Variants in FBXO34 observed in about 807,000 individuals in gnomAD.
FBXO34 encodes the protein F-box protein 34, also known as F-box only protein 34.
A neutral mutation model predicts 24.5 loss-of-function variants in FBXO34; 12 were observed. The observed-to-expected ratio is 0.49, with a 90% CI of 0.31 to 0.79. The LOEUF (loss-of-function observed/expected upper bound fraction) is 0.79, where lower values mean the gene tolerates loss of function less well. Among genes scored for constraint, FBXO34 ranks in the 30% least tolerant of loss-of-function variants. The pLI, the probability that FBXO34 is intolerant of heterozygous loss-of-function variation, is 0.04. For missense variants in FBXO34, 823 were observed against 857.7 expected, an observed-to-expected ratio of 0.96 and a Z score of 0.51; for synonymous variants, 320 against 311.9, an observed-to-expected ratio of 1.03 and a Z score of -0.27.
chr14:55,296,635 A>T (rs1331324556), intron 1 of FBXO34, among the ~76,000 whole-genome samples: 1 of 151,808 alleles, frequency 6.6e-6, no homozygotes, highest in Admixed American at 6.6e-5. Flanking sequence ...TGACCTTGTG[A>T]TCCACCTGCC....
intron 1 of FBXO34, among the ~76,000 whole-genome samples, chr14:55,291,227 C>G (rs1881935353): frequency 6.7e-6 from 1 of 149,044 alleles, no homozygotes; most frequent in Non-Finnish European, 1.5e-5. Context: ...TCCTTGCTGA[C>G]ACAGTTTTTG....
chr14:55,436,651 G>C, the FBXO34 span: 1 of 1,614,208 alleles, frequency 6.2e-7, no homozygotes, highest in Non-Finnish European at 8.5e-7. Flanking sequence ...GTCGGAGTTT[G>C]GTTTCTCAGG....
intron 1 of FBXO34, among the ~76,000 whole-genome samples, chr14:55,322,653 C>A (rs1010402169): frequency 1.9e-4 from 29 of 152,048 alleles, no homozygotes; most frequent in African/African-American, 7.0e-4. Context: ...TGGAAATTAA[C>A]CTTTTGTGCA....
chr14:55,404,658 C>A, the FBXO34 span, among the ~76,000 whole-genome samples: 1 of 152,114 alleles, frequency 6.6e-6, no homozygotes, highest in African/African-American at 2.4e-5. Context: ...GCAGGGTGTA[C>A]AGGTGGGGGG....
At chr14:55,364,667 G>A (rs528461668), downstream of FBXO34, among the ~76,000 whole-genome samples, 1 of 151,382 alleles carries the variant, frequency 6.6e-6, no homozygotes, top group Non-Finnish European at 1.5e-5. Context: ...GACCTCAGGT[G>A]ATCCGCCTGT....
At chr14:55,314,876 C>G (rs1453400379) in intron 1 of FBXO34, among the ~76,000 whole-genome samples, 1 of 152,122 alleles carries the variant, frequency 6.6e-6, no homozygotes, top group African/African-American at 2.4e-5. Context: ...CCACTTCATC[C>G]CCCCACTTCT....
At chr14:55,440,598 G>C in the FBXO34 span, 1 of 1,515,454 alleles carries the variant, frequency 6.6e-7, no homozygotes, top group East Asian at 2.3e-5. Flanking sequence ...GGTTCCTGCA[G>C]AGGGCGCGAG....
At chr14:55,432,429 C>G in the FBXO34 span, among the ~76,000 whole-genome samples, 1 of 138,956 alleles carries the variant, frequency 7.2e-6, no homozygotes, top group Non-Finnish European at 1.5e-5. Context: ...AAAAAAACAA[C>G]AAATAAACAA....
chr14:55,403,215 G>A, the FBXO34 span, among the ~76,000 whole-genome samples: 1 of 151,940 alleles, frequency 6.6e-6, no homozygotes, highest in Admixed American at 6.6e-5. Flanking sequence ...TTAAAAAAAT[G>A]TGAAAGCAGT....
chr14:55,437,852 C>A, the FBXO34 span, among the ~76,000 whole-genome samples: 1 of 152,238 alleles, frequency 6.6e-6, no homozygotes, highest in South Asian at 2.1e-4. Flanking sequence ...AATAAGAATT[C>A]TTGTAATGTT....
chr14:55,279,622 G>T (rs1369284595), intron 1 of FBXO34, among the ~76,000 whole-genome samples: 2 of 152,204 alleles, frequency 1.3e-5, no homozygotes, highest in Non-Finnish European at 2.9e-5. Context: ...TGCTAGAAGA[G>T]TTTCTCTTCC....
chr14:55,405,767 G>A, the FBXO34 span, among the ~76,000 whole-genome samples: 2 of 151,878 alleles, frequency 1.3e-5, no homozygotes, highest in Admixed American at 6.6e-5. Context: ...TGTGTTGGAG[G>A]TACTGCCTAA....
the FBXO34 span, among the ~76,000 whole-genome samples, chr14:55,402,184 T>C: frequency 6.6e-6 from 1 of 152,174 alleles, no homozygotes; most frequent in African/African-American, 2.4e-5. Flanking sequence ...ACTGAGCACT[T>C]ACTATGTCCC....
chr14:55,380,722 AC>A, the FBXO34 span: 1 of 1,433,224 alleles, frequency 7.0e-7, no homozygotes, highest in Non-Finnish European at 9.7e-7. Context: ...CATGTACAAA[AC>A]CTTAATTCCA....
chr14:55,296,787 A>C (rs1366763633), intron 1 of FBXO34, among the ~76,000 whole-genome samples: 2 of 152,150 alleles, frequency 1.3e-5, no homozygotes, highest in African/African-American at 4.8e-5. Flanking sequence ...TATAGAAAGC[A>C]ATTTTTAATT....
At chr14:55,310,092 G>A (rs921503741) in intron 1 of FBXO34, among the ~76,000 whole-genome samples, 2 of 152,144 alleles carry the variant, frequency 1.3e-5, no homozygotes, top group Non-Finnish European at 2.9e-5. Flanking sequence ...CAAAAAACTT[G>A]AGTTGCTTTT....
At chr14:55,325,123 A>G (rs1208550533) in intron 1 of FBXO34, among the ~76,000 whole-genome samples, 1 of 152,244 alleles carries the variant, frequency 6.6e-6, no homozygotes, top group African/African-American at 2.4e-5. Flanking sequence ...TGGGGGAATG[A>G]ACATTCAGTC....
the FBXO34 span, among the ~76,000 whole-genome samples, chr14:55,402,345 AAAATAGATTTC>A: frequency 1.3e-5 from 2 of 152,178 alleles, no homozygotes; most frequent in African/African-American, 4.8e-5. Context: ...AGAAAGGCAA[AAAATAGATTTC>A]AAATAAGCAA....
the FBXO34 span, among the ~76,000 whole-genome samples, chr14:55,415,180 AT>A: frequency 1.3e-5 from 2 of 152,104 alleles, no homozygotes; most frequent in Non-Finnish European, 2.9e-5. Context: ...TACTACTTAT[AT>A]TTATATGGAG....
Sources: allele counts gnomAD v4.1 joint callset (sites outside exome capture counted in the v4.1 genomes callset), GRCh38; gene constraint gnomAD v4.1.1; transcripts MANE v1.5; gene names NCBI Gene and HGNC (gene_info 2026-07-23, HGNC 2026-07-21).